EML6: variants seen among roughly 807,000 people sequenced by gnomAD.
The protein encoded by EML6 is EMAP like 6, also known as echinoderm microtubule-associated protein-like 6.
A neutral mutation model predicts 240.1 loss-of-function variants in EML6; 154 were observed. The ratio of observed to expected loss-of-function variants is 0.64; its 90% CI spans 0.56 to 0.73. EML6 has a LOEUF of 0.73. Ranked by LOEUF, EML6 falls within the 30% of genes least tolerant of loss-of-function variation. EML6 has a pLI of 0.00. For missense variants in EML6, 2,964 were observed against 2,474.6 expected, an observed-to-expected ratio of 1.20 and a Z score of -4.20; for synonymous variants, 1,148 against 899.0, an observed-to-expected ratio of 1.28 and a Z score of -4.95.
chr2:54,864,968 T>G (rs566501758), intron 13 of EML6, among the ~76,000 whole-genome samples: 2 of 152,340 alleles, frequency 1.3e-5, no homozygotes, highest in East Asian at 3.9e-4. Flanking sequence ...TATTATGCAA[T>G]ATGACTACTA....
chr2:54,727,191 G>GCACAAACC (rs1553366711), intron 2 of EML6, among the ~76,000 whole-genome samples: 96 of 149,930 alleles, frequency 6.4e-4, no homozygotes, highest in Admixed American at 1.9e-3. Context: ...GGGAAAAAGA[G>GCACAAACC]ACAGTTAGCA....
intron 2 of EML6, among the ~76,000 whole-genome samples, chr2:54,804,560 C>T (rs894462720): frequency 5.9e-5 from 9 of 152,210 alleles, no homozygotes; most frequent in African/African-American, 2.2e-4. Context: ...CAACCCTGCC[C>T]ACTTCCTGCC....
Position 54,879,628 on chromosome 2 carries a change from T to C in EML6, c.2426T>C (p.Ile809Thr). Residue 809 changes from isoleucine to threonine, a missense_variant, in exon 17 of 42, where the codon ATA (isoleucine) becomes ACA (threonine). Physicochemically the swap from Ile to Thr is moderately conservative, Grantham distance 89. Transcript: ENST00000356458. ...TGGGACTGGAAAAAGGGAGAAAAGA[T>C]AGCCACAACAAGGTAAGAAGCTGCC... is the stretch of plus-strand genomic sequence containing the variant. ...VFWDWKKGEK[I>T]ATTRGHKDKI... is the part of the protein sequence containing the mutation. The C allele has an allele frequency of 6.5e-7, 1 of 1,549,194 alleles. No individual in the cohort carries two copies. Among genetic ancestry groups the C allele is most frequent in the Non-Finnish European group, 8.7e-7 (1 of 1,144,308 alleles).
At chr2:54,802,618 A>ATACTACTAAC (rs1553381839) in intron 2 of EML6, among the ~76,000 whole-genome samples, 11 of 139,944 alleles carry the variant, frequency 7.9e-5, no homozygotes, top group African/African-American at 3.0e-4. Context: ...ACCCTGTCTC[A>ATACTACTAAC]TACTACTACT....
At chr2:54,755,895 C>G (rs541110229) in intron 2 of EML6, among the ~76,000 whole-genome samples, 2 of 152,016 alleles carry the variant, frequency 1.3e-5, no homozygotes, top group Admixed American at 1.3e-4. Flanking sequence ...GGTTTTTAAC[C>G]TCTTAACCGC....
At chr2:54,924,837 A>G (rs1396301162) in intron 26 of EML6, among the ~76,000 whole-genome samples, 2 of 152,070 alleles carry the variant, frequency 1.3e-5, no homozygotes, top group Non-Finnish European at 2.9e-5. Flanking sequence ...TGCTGGGATT[A>G]CAGGCGTGAG....
rs559743969 is a variant in EML6, at chr2:54,950,454, A to G, written c.4084-196A>G. Reference sequence around the variant, plus strand: ...CTGTGTGTTAGACTGCCACCCCAGCATTTCAGAAAACTAAAGAAGGGGCTG... The same window carrying G: ...CTGTGTGTTAGACTGCCACCCCAGCGTTTCAGAAAACTAAAGAAGGGGCTG... On this transcript the variant is annotated intron_variant, in intron 29 of 41. Coordinates refer to ENST00000356458, the MANE Select transcript of EML6 (RefSeq NM_001039753.4). Among the ~76,000 whole-genome samples the G allele has an allele frequency of 3.9e-5, 6 of 152,386 alleles. No individual in the cohort carries two copies. The South Asian group carries it at 1.2e-3, about 32-fold the overall frequency.
chr2:54,748,674 C>G (rs1684024278), intron 2 of EML6, among the ~76,000 whole-genome samples: 1 of 152,206 alleles, frequency 6.6e-6, no homozygotes. Flanking sequence ...ATCCTCTCAC[C>G]CTAGCCTCCT....
In EML6 at chr2:54,725,869, G is replaced by T. The variant is rs183996875; in HGVS notation, c.197+611G>T. Among the ~76,000 whole-genome samples, 1 of 152,262 alleles carries T rather than the reference G, an allele frequency of 6.6e-6. No homozygotes were observed. Among genetic ancestry groups the T allele is most frequent in the African/African-American group, 2.4e-5 (1 of 41,530 alleles). On this transcript the variant is annotated intron_variant, in intron 2 of 41. Transcript: ENST00000356458. This position sits in a 1 kb window ranked among gnomAD's most constrained non-coding sequence, Gnocchi z 4.3. Reference sequence around the variant, plus strand: ...CACAGCATCATTGAGGTTATTAAAGGCTGGCAGCTGCTGGATCACAAAATC... The same window carrying T: ...CACAGCATCATTGAGGTTATTAAAGTCTGGCAGCTGCTGGATCACAAAATC...
At chr2:54,781,441 A>G (rs1668852228) in intron 2 of EML6, among the ~76,000 whole-genome samples, 1 of 152,226 alleles carries the variant, frequency 6.6e-6, no homozygotes, top group African/African-American at 2.4e-5. Flanking sequence ...TTAAAATATT[A>G]CCAGCATGCT....
chr2:54,850,993 G>C (rs1670050920), intron 10 of EML6, among the ~76,000 whole-genome samples: 1 of 152,174 alleles, frequency 6.6e-6, no homozygotes, highest in African/African-American at 2.4e-5. Context: ...TTTAGCACAT[G>C]AAAAAATTCT....
Position 54,954,010 on chromosome 2 carries a change from A to G in EML6, c.4340A>G (p.Asp1447Gly), listed in dbSNP as rs1676112567. Residue 1447 changes from aspartate (D) to glycine (G), a missense_variant, in exon 32 of 42, where the codon GAC becomes GGC. Physicochemically the swap from Asp to Gly is moderately conservative, Grantham distance 94. Transcript: ENST00000356458. ...ACAACACCTTCCATCCACATATGGG[A>G]CGCCATGACCAAACACACCCTCTCC... ...IGTTPSIHIW[D>G]AMTKHTLSML... The G allele has an allele frequency of 1.9e-6, 3 of 1,551,018 alleles. No individual in the cohort carries two copies. The highest frequency in any genetic ancestry group is 2.6e-6 in the Non-Finnish European group (3 of 1,146,740).
At chr2:54,857,879 G>A (rs1387520622) in intron 11 of EML6, among the ~76,000 whole-genome samples, 1 of 152,216 alleles carries the variant, frequency 6.6e-6, no homozygotes, top group African/African-American at 2.4e-5. Context: ...AAGAAAAGAT[G>A]AGAGAGATAA....
At chr2:54,772,216 T>A (rs995338126) in intron 2 of EML6, among the ~76,000 whole-genome samples, 1 of 152,234 alleles carries the variant, frequency 6.6e-6, no homozygotes, top group Non-Finnish European at 1.5e-5. Flanking sequence ...AGTTCATGAT[T>A]CTTGTGATGA....
At chr2:54,914,674 A>C (rs1416612305) in intron 25 of EML6, among the ~76,000 whole-genome samples, 1 of 152,136 alleles carries the variant, frequency 6.6e-6, no homozygotes, top group Admixed American at 6.5e-5. Context: ...CAACTTCCCT[A>C]GTAGTGCCGC....
intron 5 of EML6, among the ~76,000 whole-genome samples, chr2:54,825,818 A>G (rs1395134105): frequency 6.6e-6 from 1 of 152,122 alleles, no homozygotes; most frequent in Non-Finnish European, 1.5e-5. Flanking sequence ...TGTTTCCTCT[A>G]GTACCCAACT....
At chr2:54,823,256 C>T (rs1425092260) in intron 5 of EML6, among the ~76,000 whole-genome samples, 1 of 152,126 alleles carries the variant, frequency 6.6e-6, no homozygotes, top group East Asian at 1.9e-4. Flanking sequence ...GGAGATGCTG[C>T]TTAGGCTGAG....
intron 28 of EML6, among the ~76,000 whole-genome samples, chr2:54,934,018 C>CA (rs1321862100): frequency 6.6e-6 from 1 of 152,130 alleles, no homozygotes; most frequent in African/African-American, 2.4e-5. Flanking sequence ...GAGAATGAGA[C>CA]AACACGCAGT....
intron 7 of EML6, among the ~76,000 whole-genome samples, chr2:54,836,746 T>G (rs1378137583): frequency 2.0e-5 from 3 of 152,186 alleles, no homozygotes; most frequent in African/African-American, 7.2e-5. Flanking sequence ...TGCTTTGCTG[T>G]CACTTGCTTG....
Sources: gnomAD v4.1 joint callset for allele counts (sites outside exome capture counted in the v4.1 genomes callset) on GRCh38, gnomAD v4.1.1 for gene constraint, Gnocchi (gnomAD v3.1) non-coding constraint, MANE v1.5 for transcripts, NCBI Gene and HGNC (gene_info 2026-07-23, HGNC 2026-07-21) for gene names.